Variants in CAMK2B observed in about 807,000 individuals in gnomAD.
The protein encoded by CAMK2B is calcium/calmodulin dependent protein kinase II beta, also known as calcium/calmodulin-dependent protein kinase type II subunit beta.
In CAMK2B, 27 loss-of-function variants were observed where a neutral mutation model predicts 93.7. That is an observed-to-expected ratio of 0.29 (90% confidence interval 0.21 to 0.40). The LOEUF is 0.40. Among genes scored for constraint, CAMK2B ranks in the 10% least tolerant of loss-of-function variants. The pLI is 1.00. For synonymous variants in CAMK2B, 374 were observed against 358.8 expected, an observed-to-expected ratio of 1.04 and a Z score of -0.48; for missense variants, 568 against 895.8, an observed-to-expected ratio of 0.63 and a Z score of 4.67.
intron 2 of CAMK2B, chr7:44,268,895 TG>T (rs2096944609): frequency 6.6e-6 from 1 of 152,328 alleles, no homozygotes; most frequent in Non-Finnish European, 1.5e-5. Context: ...CCGTCTGTTC[TG>T]GGCACATTAC....
intron 20 of CAMK2B, among the ~76,000 whole-genome samples, chr7:44,222,733 T>C (rs2096425533): frequency 6.6e-6 from 1 of 152,192 alleles, no homozygotes; most frequent in Non-Finnish European, 1.5e-5. Context: ...TATGAGCCAC[T>C]GTGCCCAGCC....
At chr7:44,247,369 G>C in intron 5 of CAMK2B, 177 bp from the exon 6 acceptor site, 1 of 641,800 alleles carries the variant, frequency 1.6e-6, no homozygotes, top group Non-Finnish European at 2.8e-6. Flanking sequence ...CACCTCCAAG[G>C]CCAGCAACTC....
At chr7:44,258,979 C>T in intron 3 of CAMK2B, 53 bp from the exon 4 acceptor site, 1 of 1,490,138 alleles carries the variant, frequency 6.7e-7, no homozygotes, top group Non-Finnish European at 9.3e-7. Flanking sequence ...GACACACCTC[C>T]TGCCTGCCTC....
chr7:44,302,115 T>G (rs956114007), intron 1 of CAMK2B, among the ~76,000 whole-genome samples: 1 of 152,104 alleles, frequency 6.6e-6, no homozygotes, highest in Non-Finnish European at 1.5e-5. Flanking sequence ...AGAAATACTA[T>G]GAAAAACTCT....
chr7:44,301,668 T>C (rs760584327), intron 1 of CAMK2B, among the ~76,000 whole-genome samples: 6 of 151,820 alleles, frequency 4.0e-5, no homozygotes, highest in Admixed American at 1.3e-4. Context: ...TCTCAGCTAC[T>C]TGGGAGACTG....
intron 6 of CAMK2B, among the ~76,000 whole-genome samples, chr7:44,246,364 G>T (rs912219154): frequency 6.6e-6 from 1 of 152,100 alleles, no homozygotes; most frequent in African/African-American, 2.4e-5. Context: ...AGGTCCGGAG[G>T]GGTAGGGAGG....
At chr7:44,314,817 T>C (rs1363913295) in intron 1 of CAMK2B, among the ~76,000 whole-genome samples, 1 of 152,272 alleles carries the variant, frequency 6.6e-6, no homozygotes, top group Non-Finnish European at 1.5e-5. Flanking sequence ...ATGATGGTTT[T>C]GAATTGCATT....
chr7:44,255,065 A>G (rs1021312006), intron 4 of CAMK2B, among the ~76,000 whole-genome samples: 13 of 151,874 alleles, frequency 8.6e-5, no homozygotes, highest in African/African-American at 3.1e-4. Context: ...CCCCTCCTCA[A>G]TACTCTCCCA....
Position 44,227,859 on chromosome 7 carries a change from AAG to A in CAMK2B, c.1468+935_1468+936del, listed in dbSNP as rs571773534. On this transcript the variant is annotated intron_variant, in intron 19 of 23. Transcript: ENST00000395749. ...TGGGGAGGAAAATGGAAATGAGGGA[AAG>A]AGGGGAATTTGGGGGACAGAGGGGG... is the stretch of plus-strand genomic sequence containing the variant. Among the ~76,000 whole-genome samples the A allele has an allele frequency of 3.4e-3, 332 of 97,210 alleles. 2 individuals carry two copies. Among genetic ancestry groups the A allele is most frequent in the African/African-American group, 0.013 (316 of 24,462 alleles). 63.8% of individuals were successfully genotyped at this position (97,210 alleles called of 152,430 possible). A position where few individuals can be genotyped will look rare whatever the true frequency, so the allele number is the denominator to read the frequency against.
Position 44,243,353 on chromosome 7 carries a change from C to T in CAMK2B, c.518-20G>A. On this transcript the variant is annotated intron_variant, in intron 7 of 23. Coordinates refer to ENST00000395749, the MANE Select transcript of CAMK2B (RefSeq NM_001220.5). ...CGAAACCTAGAGAGAGGGGAAGAGG[C>T]CACAAGGGGCTGTCAGCATCACCTC... The T allele has an allele frequency of 6.2e-7, 1 of 1,612,674 alleles. No individual in the cohort carries two copies. The highest frequency in any genetic ancestry group is 8.5e-7 in the Non-Finnish European group (1 of 1,178,768).
chr7:44,309,480 G>T (rs893533779), intron 1 of CAMK2B, among the ~76,000 whole-genome samples: 5 of 152,184 alleles, frequency 3.3e-5, no homozygotes, highest in African/African-American at 1.2e-4. Context: ...GCACGTCCAG[G>T]GGCTGCCCTG....
At chr7:44,250,527 C>CTTTT (rs36056008) in intron 5 of CAMK2B, among the ~76,000 whole-genome samples, 5 of 117,816 alleles carry the variant, frequency 4.2e-5, no homozygotes, top group South Asian at 2.9e-4. Context: ...AGTGACATTG[C>CTTTT]TTTTTTTTTT....
chr7:44,243,738 C>T (rs1047549681), intron 6 of CAMK2B, among the ~76,000 whole-genome samples: 1 of 152,224 alleles, frequency 6.6e-6, no homozygotes, highest in South Asian at 2.1e-4. Context: ...AGCCCCTCTG[C>T]CCCTGGGGAC....
intron 1 of CAMK2B, among the ~76,000 whole-genome samples, chr7:44,317,418 C>T (rs1795071304): frequency 6.6e-6 from 1 of 152,062 alleles, no homozygotes; most frequent in Admixed American, 6.6e-5. Flanking sequence ...TGCAAAATAG[C>T]TTAATAATTT....
At chr7:44,285,985 G>T (rs979123799) in intron 1 of CAMK2B, among the ~76,000 whole-genome samples, 1 of 152,042 alleles carries the variant, frequency 6.6e-6, no homozygotes, top group Non-Finnish European at 1.5e-5. Flanking sequence ...TGTTTTTAAA[G>T]AAAAATATAA....
rs749755008 is a variant in CAMK2B at position 44,220,826 on chromosome 7, G to A, written c.1673C>T (p.Ala558Val). 7 of 1,565,464 alleles carry A rather than the reference G, an allele frequency of 4.5e-6. No individual in the cohort carries two copies. Among genetic ancestry groups the A allele is most frequent in the South Asian group, 2.3e-5 (2 of 85,188 alleles). Reference sequence around the variant, plus strand: ...CCCCCCCCCAGCCCCAGGGACTCACGCGTAGGCCTCAAAGTCACCGTTGTT... The same window carrying A: ...CCCCCCCCCAGCCCCAGGGACTCACACGTAGGCCTCAAAGTCACCGTTGTT... ...AVNNGDFEAY[A>V]KICDPGLTSF... Residue 558 changes from alanine to valine, a missense_variant and splice_region_variant, in exon 21 of 24, where the codon GCG (alanine) becomes GTG (valine). Ala to Val is a moderately conservative substitution (Grantham distance 64). Coordinates refer to ENST00000395749, the MANE Select transcript of CAMK2B (RefSeq NM_001220.5).
intron 1 of CAMK2B, among the ~76,000 whole-genome samples, chr7:44,307,450 G>A (rs1792213137): frequency 6.6e-6 from 1 of 151,644 alleles, no homozygotes. Context: ...GTGAGCAGGG[G>A]AGGGTGTGTG....
At chr7:44,255,175 T>C (rs1280366999) in intron 4 of CAMK2B, among the ~76,000 whole-genome samples, 1 of 152,086 alleles carries the variant, frequency 6.6e-6, no homozygotes, top group African/African-American at 2.4e-5. Context: ...TCTTGAGGTG[T>C]TCGAGGTCCC....
chr7:44,224,969 C>T lies in CAMK2B; in HGVS notation c.1597+1547G>A, dbSNP rs2096457617. Among the ~76,000 whole-genome samples, 1 of 152,088 alleles carries T rather than the reference C, an allele frequency of 6.6e-6. No individual in the cohort carries two copies. Among genetic ancestry groups the T allele is most frequent in the East Asian group, 1.9e-4 (1 of 5,170 alleles). Reference sequence around the variant, plus strand: ...CCACCCCTTTCCCAGCCCTGCCCAGCCCCTCCCAGGAGGGCCACACGAATC... The same window carrying T: ...CCACCCCTTTCCCAGCCCTGCCCAGTCCCTCCCAGGAGGGCCACACGAATC... On this transcript the variant is annotated intron_variant, in intron 20 of 23. Transcript: ENST00000395749. The surrounding 1 kb of genome is among the most constrained non-coding windows in gnomAD (Gnocchi z 4.4).
Sources: gnomAD v4.1 joint callset for allele counts (sites outside exome capture counted in the v4.1 genomes callset) on GRCh38, gnomAD v4.1.1 for gene constraint, Gnocchi (gnomAD v3.1) non-coding constraint, MANE v1.5 for transcripts, NCBI Gene and HGNC (gene_info 2026-07-23, HGNC 2026-07-21) for gene names.